KIRREL3: variants seen among roughly 807,000 people sequenced by gnomAD.
The protein encoded by KIRREL3 is kirre like nephrin family adhesion molecule 3.
Under a neutral mutation model 89.7 loss-of-function variants are expected in KIRREL3, and 36 were observed. The ratio of observed to expected loss-of-function variants is 0.40; its 90% CI spans 0.31 to 0.53. The LOEUF (loss-of-function observed/expected upper bound fraction) is 0.53. KIRREL3 is among the 20% of genes least tolerant of loss of function. The pLI is 0.49. For missense variants in KIRREL3, 864 were observed against 1,056.6 expected, an observed-to-expected ratio of 0.82 and a Z score of 2.53; for synonymous variants, 445 against 441.4, an observed-to-expected ratio of 1.01 and a Z score of -0.10.
At chr11:126,937,129 A>G (rs2135089467) in intron 1 of KIRREL3, 1 of 152,300 alleles carries the variant, frequency 6.6e-6, no homozygotes, top group Non-Finnish European at 1.5e-5. Flanking sequence ...TGAAGCCACC[A>G]AGTTCAATCC....
intron 6 of KIRREL3, among the ~76,000 whole-genome samples, chr11:126,460,512 A>AC (rs1242048554): frequency 6.6e-6 from 1 of 152,184 alleles, no homozygotes; most frequent in Admixed American, 6.5e-5. Flanking sequence ...TGTGGCCTTC[A>AC]CCACTACCCA....
In KIRREL3 at chr11:126,550,856, C is replaced by A. The variant is rs1939202170; in HGVS notation, c.133+11979G>T. Among the ~76,000 whole-genome samples, 1 of 152,076 alleles carries A rather than the reference C, an allele frequency of 6.6e-6. No individual in the cohort carries two copies. The highest frequency in any genetic ancestry group is 2.4e-5 in the African/African-American group (1 of 41,402). ...CAGCGGACACCAGCTGGGTGTCCTCCAATTCAATTCTGACACTGTCTACCT... is the reference window on the plus strand; with the variant it reads ...CAGCGGACACCAGCTGGGTGTCCTCAAATTCAATTCTGACACTGTCTACCT... On this transcript the variant is annotated intron_variant, in intron 2 of 16. Transcript: ENST00000525144. The surrounding 1 kb of genome is among the most constrained non-coding windows in gnomAD (Gnocchi z 4.9).
chr11:126,737,377 G>A (rs1948837613), intron 1 of KIRREL3, among the ~76,000 whole-genome samples: 1 of 152,066 alleles, frequency 6.6e-6, no homozygotes, highest in South Asian at 2.1e-4. Flanking sequence ...GGGCGGAGGA[G>A]GGAGTGAACT....
intron 1 of KIRREL3, among the ~76,000 whole-genome samples, chr11:126,823,045 G>A (rs1399178124): frequency 2.0e-5 from 3 of 152,236 alleles, no homozygotes; most frequent in Admixed American, 6.5e-5. Flanking sequence ...ACTCGCTGGA[G>A]TATTTAATAC....
In KIRREL3 at chr11:126,551,153, C is replaced by T. The variant is rs1939229486; in HGVS notation, c.133+11682G>A. Reference sequence around the variant, plus strand: ...GGGAAGGGGCAGGAGCTTCCACGCCCTCCCTGAGTGCGCCACCCTCCAGGA... The same window carrying T: ...GGGAAGGGGCAGGAGCTTCCACGCCTTCCCTGAGTGCGCCACCCTCCAGGA... On this transcript the variant is annotated intron_variant, in intron 2 of 16. Coordinates refer to ENST00000525144, the MANE Select transcript of KIRREL3 (RefSeq NM_032531.4). The surrounding 1 kb of genome is among the most constrained non-coding windows in gnomAD (Gnocchi z 4.9). 6.6e-6 allele frequency among the ~76,000 whole-genome samples: 1 copy of T among 152,222 alleles called. No homozygotes were observed. The highest frequency in any genetic ancestry group is 1.5e-5 in the Non-Finnish European group (1 of 68,038).
chr11:126,615,814 GCAGTTATGGTCTTTTC>G lies in KIRREL3; in HGVS notation c.56-52918_56-52903del, dbSNP rs2134816766. ...GCTCTGGGATGGCAGTGCTCTCTCA[GCAGTTATGGTCTTTTC>G]CAGGTAATAAGTATTGCGGCCTCCT... On this transcript the variant is annotated intron_variant, in intron 1 of 16. Coordinates refer to ENST00000525144, the MANE Select transcript of KIRREL3 (RefSeq NM_032531.4). This position sits in a 1 kb window ranked among gnomAD's most constrained non-coding sequence, Gnocchi z 5.4. 6.6e-6 allele frequency among the ~76,000 whole-genome samples: 1 copy of G among 152,306 alleles called. No individual in the cohort carries two copies. The highest frequency in any genetic ancestry group is 1.9e-4 in the East Asian group (1 of 5,182).
In KIRREL3 at chr11:126,578,690, G is replaced by A. The variant is rs1941386229; in HGVS notation, c.56-15778C>T. Reference sequence around the variant, plus strand: ...ACACCCATGGAGAGTTCTCGCAATGGGTATGGCAAACTTCCTGACCAACAG... The same window carrying A: ...ACACCCATGGAGAGTTCTCGCAATGAGTATGGCAAACTTCCTGACCAACAG... On this transcript the variant is annotated intron_variant, in intron 1 of 16. Transcript: ENST00000525144. This position sits in a 1 kb window ranked among gnomAD's most constrained non-coding sequence, Gnocchi z 4.9. Among the ~76,000 whole-genome samples the A allele has an allele frequency of 6.6e-6, 1 of 152,088 alleles. No individual in the cohort carries two copies.
intron 1 of KIRREL3, among the ~76,000 whole-genome samples, chr11:126,679,753 A>C (rs1331289474): frequency 6.6e-6 from 1 of 152,232 alleles, no homozygotes; most frequent in South Asian, 2.1e-4. Context: ...TGGTGATTGA[A>C]AATTGCATAT....
intron 1 of KIRREL3, among the ~76,000 whole-genome samples, chr11:126,599,481 C>T (rs1272166650): frequency 1.3e-5 from 2 of 152,152 alleles, no homozygotes; most frequent in African/African-American, 2.4e-5. Context: ...CTCCCCTGTG[C>T]GGGTCTCTGC....
chr11:126,638,946 T>A (rs968566709), intron 1 of KIRREL3, among the ~76,000 whole-genome samples: 1 of 152,214 alleles, frequency 6.6e-6, no homozygotes, highest in Non-Finnish European at 1.5e-5. Flanking sequence ...TCTGTTTTGC[T>A]TACCACTGCA....
chr11:126,556,038 G>A (rs987469610), intron 2 of KIRREL3, among the ~76,000 whole-genome samples: 6 of 152,148 alleles, frequency 3.9e-5, no homozygotes, highest in African/African-American at 9.7e-5. Flanking sequence ...CACCGTGCCC[G>A]GCCTTCAGTA....
chr11:126,590,848 C>T (rs1317775348), intron 1 of KIRREL3, among the ~76,000 whole-genome samples: 6 of 152,118 alleles, frequency 3.9e-5, no homozygotes, highest in African/African-American at 1.4e-4. Context: ...GTCTTCCATC[C>T]CTGTTCTCCC....
In KIRREL3 at chr11:126,897,519, T is replaced by C. The variant is rs1463030269; in HGVS notation, c.55+102936A>G. 1.3e-5 allele frequency among the ~76,000 whole-genome samples: 2 copies of C among 151,546 alleles called. No individual in the cohort carries two copies. Among genetic ancestry groups the C allele is most frequent in the Non-Finnish European group, 2.9e-5 (2 of 67,900 alleles). ...CATCTAACACCACCCCCAAAAGGAG[T>C]AGAACAGGAAACCAGCTCCCACAGA... On this transcript the variant is annotated intron_variant, in intron 1 of 16. Coordinates refer to ENST00000525144, the MANE Select transcript of KIRREL3 (RefSeq NM_032531.4). This position sits in a 1 kb window ranked among gnomAD's most constrained non-coding sequence, Gnocchi z 4.2.
Position 126,999,308 on chromosome 11 carries a change from A to G in KIRREL3, c.55+1147T>C, listed in dbSNP as rs1331176381. On this transcript the variant is annotated intron_variant, in intron 1 of 16. Transcript: ENST00000525144. The surrounding 1 kb of genome is among the most constrained non-coding windows in gnomAD (Gnocchi z 5.7). ...GAGAAAGTCTGCAGTGACCACAAGCACGGGTGGAAGAGCAGAAGAAGGAAG... is the reference window on the plus strand; with the variant it reads ...GAGAAAGTCTGCAGTGACCACAAGCGCGGGTGGAAGAGCAGAAGAAGGAAG... 1.3e-5 allele frequency among the ~76,000 whole-genome samples: 2 copies of G among 152,228 alleles called. No homozygotes were observed. The highest frequency in any genetic ancestry group is 2.9e-5 in the Non-Finnish European group (2 of 68,046).
intron 1 of KIRREL3, among the ~76,000 whole-genome samples, chr11:126,886,417 A>G (rs1009110273): frequency 6.6e-6 from 1 of 152,226 alleles, no homozygotes; most frequent in African/African-American, 2.4e-5. Context: ...ATAAAAAAAT[A>G]TGGCTCATTA....
chr11:126,521,322 T>G lies in KIRREL3; in HGVS notation c.426A>C (p.Thr142=). The change falls in exon 4 of 17, where the codon ACA becomes ACC. Residue 142 remains threonine, a synonymous_variant. Coordinates refer to ENST00000525144, the MANE Select transcript of KIRREL3 (RefSeq NM_032531.4). The surrounding 1 kb of genome is among the most constrained non-coding windows in gnomAD (Gnocchi z 4.1). ...TGTGCAGATGGTTCTTACCCAGGACTGTGAGGCGTGCGGGGCGGGAGCGGA... is the reference window on the plus strand; with the variant it reads ...TGTGCAGATGGTTCTTACCCAGGACGGTGAGGCGTGCGGGGCGGGAGCGGA... The part of the protein sequence containing the change: ...AAIRSRPARL[T]VLVPPDDPVI... 3.2e-6 allele frequency: 5 copies of G among 1,546,320 alleles called. No homozygotes were observed. Among genetic ancestry groups the G allele is most frequent in the Non-Finnish European group, 4.4e-6 (5 of 1,143,530 alleles).
rs914352532 is a variant in KIRREL3 at position 126,425,627 on chromosome 11, G to A, written c.1893+11C>T. 2 of 1,568,618 alleles carry A rather than the reference G, an allele frequency of 1.3e-6. No homozygotes were observed. The highest frequency in any genetic ancestry group is 1.2e-5 in the South Asian group (1 of 85,424). ...CCATGGCTGTGTCTTATAACCCGGG[G>A]CCCTTCTTACCTTCAGGTTCTGAAA... On this transcript the variant is annotated intron_variant, in intron 16 of 16. Transcript: ENST00000525144.
At position 126,996,329 on chromosome 11, in the gene KIRREL3, G is replaced by A; in HGVS notation, c.55+4126C>T. Among the ~76,000 whole-genome samples the A allele has an allele frequency of 6.6e-6, 1 of 152,198 alleles. No individual in the cohort carries two copies. On this transcript the variant is annotated intron_variant, in intron 1 of 16. Transcript: ENST00000525144. This position sits in a 1 kb window ranked among gnomAD's most constrained non-coding sequence, Gnocchi z 4.7. Reference sequence around the variant, plus strand: ...ATCTTTTGTTTTATGACATTTCTGAGTGAGTGTAAGTGTTTCCAAAGTTGC... The same window carrying A: ...ATCTTTTGTTTTATGACATTTCTGAATGAGTGTAAGTGTTTCCAAAGTTGC...
Position 126,614,478 on chromosome 11 carries a change from A to G in KIRREL3, c.56-51566T>C, listed in dbSNP as rs1046401162. On this transcript the variant is annotated intron_variant, in intron 1 of 16. Coordinates refer to ENST00000525144, the MANE Select transcript of KIRREL3 (RefSeq NM_032531.4). The surrounding 1 kb of genome is among the most constrained non-coding windows in gnomAD (Gnocchi z 4.6). The stretch of plus-strand genomic sequence containing the variant: ...AATGCCCTGGAGAGCTTTGAAAACT[A>G]CAGTGATACTCAGGCCCTTAGATCA... Among the ~76,000 whole-genome samples the G allele has an allele frequency of 1.1e-3, 175 of 152,336 alleles. No individual in the cohort carries two copies. The highest frequency in any genetic ancestry group is 4.2e-3 in the African/African-American group (173 of 41,576).
Sources: allele counts gnomAD v4.1 joint callset (sites outside exome capture counted in the v4.1 genomes callset), GRCh38; gene constraint gnomAD v4.1.1; non-coding constraint Gnocchi (gnomAD v3.1); transcripts MANE v1.5; gene names NCBI Gene and HGNC (gene_info 2026-07-23, HGNC 2026-07-21).